The following PABIR3 variants were observed in gnomAD, a reference collection of about 807,000 sequenced individuals.
PABIR3 encodes the protein PABIR family member 3.
In PABIR3, 20 loss-of-function variants were observed where a neutral mutation model predicts 23.1. The ratio of observed to expected loss-of-function variants is 0.86; its 90% CI spans 0.61 to 1.26. PABIR3 has a LOEUF of 1.26. Among genes scored for constraint, PABIR3 ranks in the 50% most tolerant of loss-of-function variants. The pLI, the probability that PABIR3 is intolerant of heterozygous loss-of-function variation, is 0.00. For missense variants in PABIR3, 189 were observed against 195.4 expected, an observed-to-expected ratio of 0.97 and a Z score of 0.20; for synonymous variants, 69 against 68.5, an observed-to-expected ratio of 1.01 and a Z score of -0.04.
At chrX:134,806,060 G>T (rs924041829), upstream of PABIR3, among the ~76,000 whole-genome samples, 1 of 112,114 alleles carries the variant, frequency 8.9e-6, no homozygotes, top group African/African-American at 3.2e-5. Context: ...TAAGATTTCA[G>T]TACTCAGTGT....
At chrX:134,799,849 TC>T (rs758134616) in intron 1 of PABIR3, 1 of 109,895 alleles carries the variant, frequency 9.1e-6, no homozygotes, top group African/African-American at 3.3e-5. Flanking sequence ...GCACCTGTAA[TC>T]CCAGCTACTC....
intron 1 of PABIR3, chrX:134,799,763 G>C (rs1489568248): frequency 9.9e-5 from 11 of 111,382 alleles, no homozygotes; most frequent in Non-Finnish European, 2.1e-4. Flanking sequence ...AGGAGTTCAA[G>C]ACCAGCCTGG....
At chrX:134,859,477 T>C (rs2082762645), downstream of PABIR3, among the ~76,000 whole-genome samples, 1 of 111,497 alleles carries the variant, frequency 9.0e-6, no homozygotes. Flanking sequence ...TAAATGATCC[T>C]CTCAGGATTT....
chrX:134,814,889 G>C (rs1420608611), intron 3 of PABIR3, 40 bp downstream of exon 3: 2 of 1,001,400 alleles, frequency 2.0e-6, no homozygotes, highest in Non-Finnish European at 2.7e-6. Flanking sequence ...TCTAAGACTT[G>C]TGCTTATTGG....
chrX:134,857,133 A>T (rs2082754491), downstream of PABIR3, among the ~76,000 whole-genome samples: 1 of 112,533 alleles, frequency 8.9e-6, no homozygotes. Context: ...ATAACAAAGC[A>T]TCAAAAACTG....
upstream of PABIR3, chrX:134,803,952 TG>T (rs201991395): frequency 0.02 from 3,472 of 177,853 alleles, 44 homozygotes; most frequent in Middle Eastern, 0.031. Context: ...TGGGAAGGTT[TG>T]GGGTGTTTGT....
chrX:134,841,614 G>A (rs971777510), intron 4 of PABIR3, among the ~76,000 whole-genome samples: 1 of 111,171 alleles, frequency 9.0e-6, no homozygotes, highest in African/African-American at 3.3e-5. Context: ...TAGATCATCT[G>A]AGGTCAAGAG....
At chrX:134,827,711 C>T (rs968288697) in intron 3 of PABIR3, among the ~76,000 whole-genome samples, 1 of 110,848 alleles carries the variant, frequency 9.0e-6, no homozygotes, top group African/African-American at 3.3e-5. Context: ...TACTAAGTTT[C>T]AGCCACCCTG....
downstream of PABIR3, among the ~76,000 whole-genome samples, chrX:134,856,872 C>T (rs561340975): frequency 9.1e-6 from 1 of 110,436 alleles, no homozygotes; most frequent in Admixed American, 9.7e-5. Flanking sequence ...ACTAGCTGAG[C>T]GTGGTGGCAG....
chrX:134,811,738 T>A (rs1422028249), intron 2 of PABIR3, among the ~76,000 whole-genome samples: 1 of 111,684 alleles, frequency 9.0e-6, no homozygotes, highest in Non-Finnish European at 1.9e-5. Context: ...TGACCCTCAA[T>A]TCTATTTGAA....
At chrX:134,829,888 T>C (rs1238724822) in intron 4 of PABIR3, among the ~76,000 whole-genome samples, 1 of 112,185 alleles carries the variant, frequency 8.9e-6, no homozygotes, top group African/African-American at 3.2e-5. Context: ...GCCACAGAAC[T>C]CAAAAGATCA....
intron 3 of PABIR3, chrX:134,822,508 G>A (rs1207371131): frequency 1.3e-6 from 1 of 753,690 alleles, no homozygotes; most frequent in Non-Finnish European, 1.6e-6. Flanking sequence ...CTATCTCCCT[G>A]CTGGTGTCAT....
At chrX:134,808,505 C>A (rs1040053260) in intron 2 of PABIR3, among the ~76,000 whole-genome samples, 5 of 112,136 alleles carry the variant, frequency 4.5e-5, no homozygotes, top group Non-Finnish European at 7.5e-5. Flanking sequence ...CTCAGCCTCC[C>A]AAGTAGCTGG....
chrX:134,852,730 A>G, intron 9 of PABIR3, 70 bp from the exon 10 acceptor site: 1 of 590,506 alleles, frequency 1.7e-6, no homozygotes, highest in Non-Finnish European at 2.4e-6. Flanking sequence ...AATAAGTATT[A>G]CTTTTGCAAT....
In PABIR3 at chrX:134,809,400, T is replaced by C. The variant is rs750838217; in HGVS notation, c.110+1692T>C. On this transcript the variant is annotated intron_variant, in intron 2 of 10. Coordinates refer to ENST00000645433, the MANE Select transcript of PABIR3 (RefSeq NM_001388447.1). ...CAGGATGGTCTTGATCTCCTGACCTTGTGATCCGCCCACCTTGGCCTCCCA... is the reference window on the plus strand; with the variant it reads ...CAGGATGGTCTTGATCTCCTGACCTCGTGATCCGCCCACCTTGGCCTCCCA... The C allele has an allele frequency of 9.1e-4, 368 of 403,130 alleles. 2 individuals are homozygous for C. The highest frequency in any genetic ancestry group is 4.5e-3 in the Middle Eastern group (3 of 666). The allele number at this position is 403,130 out of a possible 1,213,427, so 33.2% of individuals were successfully genotyped here.
intron 1 of PABIR3, among the ~76,000 whole-genome samples, chrX:134,797,976 C>T (rs1342109797): frequency 1.8e-5 from 2 of 110,862 alleles, no homozygotes; most frequent in African/African-American, 6.6e-5. Flanking sequence ...CCTGCCACCA[C>T]GCCTGGTTAA....
intron 2 of PABIR3, among the ~76,000 whole-genome samples, chrX:134,814,524 C>A (rs1389574420): frequency 9.0e-6 from 1 of 110,506 alleles, no homozygotes; most frequent in Non-Finnish European, 1.9e-5. Context: ...ATGGTGAAAC[C>A]TCGTCTCTAC....
chrX:134,817,135 C>T (rs2081029438), intron 3 of PABIR3, among the ~76,000 whole-genome samples: 1 of 111,673 alleles, frequency 9.0e-6, no homozygotes, highest in African/African-American at 3.3e-5. Context: ...CGCGCCACTG[C>T]ACTCCAGCCT....
At chrX:134,835,352 T>TG (rs1169260114) in intron 4 of PABIR3, 1 of 111,046 alleles carries the variant, frequency 9.0e-6, no homozygotes, top group Non-Finnish European at 1.9e-5. Context: ...CTCGAAGTGC[T>TG]GGGATTACAG....
Sources: allele counts gnomAD v4.1 joint callset (sites outside exome capture counted in the v4.1 genomes callset), GRCh38; gene constraint gnomAD v4.1.1; transcripts MANE v1.5; gene names NCBI Gene and HGNC (gene_info 2026-07-23, HGNC 2026-07-21).